The following SLX4 variants were observed in gnomAD, a reference collection of about 807,000 sequenced individuals.
The protein encoded by SLX4 is structure-specific endonuclease subunit SLX4.
In SLX4, 112 loss-of-function variants were observed where a neutral mutation model predicts 146.2. The observed-to-expected ratio is 0.77, with a 90% CI of 0.66 to 0.90. SLX4 has a LOEUF of 0.90. Ranked by LOEUF, SLX4 falls within the 40% of genes least tolerant of loss-of-function variation. The probability of loss-of-function intolerance (pLI) is 0.00; values close to 1 mark genes in which losing one functional copy is unlikely to be tolerated. For missense variants in SLX4, 2,563 were observed against 2,392.7 expected, an observed-to-expected ratio of 1.07 and a Z score of -1.49; for synonymous variants, 1,061 against 997.7, an observed-to-expected ratio of 1.06 and a Z score of -1.20.
chr16:3,594,123 T>C (rs765729528), intron 10 of SLX4, among the ~76,000 whole-genome samples: 5 of 152,150 alleles, frequency 3.3e-5, no homozygotes, highest in Non-Finnish European at 5.9e-5. Context: ...CGCCTCGGCC[T>C]CCCAAAGTGC....
In SLX4 at chr16:3,589,327, G is replaced by A. The variant is rs1303982470; in HGVS notation, c.4311C>T (p.Pro1437=). The A allele has an allele frequency of 6.3e-7, 1 of 1,577,620 alleles. No homozygotes were observed. Among genetic ancestry groups the A allele is most frequent in the South Asian group, 1.2e-5 (1 of 85,568 alleles). ...CWHMEPLSPI[P]IDHWNLERTG... The stretch of plus-strand genomic sequence containing the variant: ...TCCGCTCCAGGTTCCAGTGGTCAAT[G>A]GGAATTGGCGAGAGGGGCTCCATGT... The change falls in exon 12 of 15, where the codon CCC becomes CCT. Residue 1437 remains proline (P), a synonymous_variant. Coordinates refer to ENST00000294008, the MANE Select transcript of SLX4 (RefSeq NM_032444.4). This position sits in a 1 kb window ranked among gnomAD's most constrained non-coding sequence, Gnocchi z 6.2.
chr16:3,605,686 G>A (rs930319805), intron 3 of SLX4, among the ~76,000 whole-genome samples: 8 of 152,010 alleles, frequency 5.3e-5, no homozygotes, highest in African/African-American at 1.2e-4. Flanking sequence ...AGTGGCTCAC[G>A]CCTGTAATCC....
In SLX4 at chr16:3,596,886, G is replaced by C. The variant is rs529254653; in HGVS notation, c.1683+493C>G. On this transcript the variant is annotated intron_variant, in intron 7 of 14. Transcript: ENST00000294008. ...TGCCCAGGCTGGAGTGTAATGGCAC[G>C]GTCTCGGCTCACTGCAACTTCCGCC... Among the ~76,000 whole-genome samples the C allele has an allele frequency of 6.0e-5, 9 of 150,786 alleles. No homozygotes were observed. The East Asian group carries it at 1.6e-3, about 26-fold the overall frequency.
At position 3,597,622 on chromosome 16, in the gene SLX4, G is replaced by T. The variant is rs1479303622; in HGVS notation, c.1440C>A (p.Gly480=). Residue 480 remains glycine (G), a synonymous_variant, in exon 7 of 15, where the codon GGC becomes GGA. Coordinates refer to ENST00000294008, the MANE Select transcript of SLX4 (RefSeq NM_032444.4). The surrounding 1 kb of genome is among the most constrained non-coding windows in gnomAD (Gnocchi z 4.4). ...LLLVQDSETT[G]RQIEDRVALL... ...GGGCCACACGGTCCTCTATCTGTCGGCCTGTGGTTTCAGAGTCCTGGACTA... is the reference window on the plus strand; with the variant it reads ...GGGCCACACGGTCCTCTATCTGTCGTCCTGTGGTTTCAGAGTCCTGGACTA... 1 of 1,614,080 alleles carries T rather than the reference G, an allele frequency of 6.2e-7. No homozygotes were observed. Among genetic ancestry groups the T allele is most frequent in the East Asian group, 2.2e-5 (1 of 44,872 alleles).
chr16:3,592,726 C>A lies in SLX4; in HGVS notation c.2300G>T (p.Ser767Ile). 1 of 1,613,380 alleles carries A rather than the reference C, an allele frequency of 6.2e-7. No homozygotes were observed. The highest frequency in any genetic ancestry group is 8.5e-7 in the Non-Finnish European group (1 of 1,179,992). ...TADTGLPPGL[S>I]SELSSLAHRF... ...GTGGGCCAGGGAGCTCAGCTCAGAGCTAAGGCCAGGAGGAAGGCCAGTGTC... is the reference window on the plus strand; with the variant it reads ...GTGGGCCAGGGAGCTCAGCTCAGAGATAAGGCCAGGAGGAAGGCCAGTGTC... Residue 767 changes from serine (S) to isoleucine (I), a missense_variant, in exon 11 of 15, where the codon AGC becomes ATC. By Grantham distance (142) the Ser-to-Ile change is moderately radical. Coordinates refer to ENST00000294008, the MANE Select transcript of SLX4 (RefSeq NM_032444.4).
chr16:3,585,765 G>C (rs900497040), intron 12 of SLX4, among the ~76,000 whole-genome samples: 16 of 141,588 alleles, frequency 1.1e-4, no homozygotes, highest in Non-Finnish European at 2.1e-4. Flanking sequence ...AAAAAACACA[G>C]AGGGTTTGGG....
rs2040573669 is a variant in SLX4, at chr16:3,590,535, A to G, written c.3103T>C (p.Phe1035Leu). 2 of 1,612,898 alleles carry G rather than the reference A, an allele frequency of 1.2e-6. No homozygotes were observed. Among genetic ancestry groups the G allele is most frequent in the Admixed American group, 1.7e-5 (1 of 60,006 alleles). Residue 1035 changes from phenylalanine to leucine, a missense_variant, in exon 12 of 15, where the codon TTC becomes CTC. By Grantham distance (22) the Phe-to-Leu change is conservative. Coordinates refer to ENST00000294008, the MANE Select transcript of SLX4 (RefSeq NM_032444.4). The surrounding 1 kb of genome is among the most constrained non-coding windows in gnomAD (Gnocchi z 4.8). ...CCGCCCTGGGGAGGCCCCAATAGGA[A>G]GCGGCACGGGTGCGGTGGAGATGCC... ...WQASPPHPCR[F>L]LLGPPQGGSP...
At position 3,594,614 on chromosome 16, in the gene SLX4, G is replaced by T. The variant is rs367967946; in HGVS notation, c.2014-15C>A. The T allele has an allele frequency of 6.2e-7, 1 of 1,613,852 alleles. No individual in the cohort carries two copies. The highest frequency in any genetic ancestry group is 2.2e-5 in the East Asian group (1 of 44,884). On this transcript the variant is annotated splice_polypyrimidine_tract_variant and intron_variant, in intron 9 of 14. Coordinates refer to ENST00000294008, the MANE Select transcript of SLX4 (RefSeq NM_032444.4). Reference sequence around the variant, plus strand: ...CCGAGGGAGAGCTGAAGCAGGAGGAGAGGAAGAGCCGTCACCTCCCCACCT... The same window carrying T: ...CCGAGGGAGAGCTGAAGCAGGAGGATAGGAAGAGCCGTCACCTCCCCACCT...
chr16:3,582,296 G>A lies in SLX4; in HGVS notation c.*46C>T, dbSNP rs781317951. On this transcript the variant is annotated 3_prime_UTR_variant, in exon 15 of 15. Coordinates refer to ENST00000294008, the MANE Select transcript of SLX4 (RefSeq NM_032444.4). ...CAGGTCCTCCCTGCAAATGGCGGGG[G>A]TGGGGGCTGCTGATGGCAGGTTGGG... The A allele has an allele frequency of 3.2e-6, 5 of 1,549,366 alleles. No homozygotes were observed. Among genetic ancestry groups the A allele is most frequent in the Non-Finnish European group, 4.4e-6 (5 of 1,139,570 alleles).
chr16:3,588,945 C>T, intron 12 of SLX4, 57 bp downstream of exon 12: 1 of 1,608,508 alleles, frequency 6.2e-7, no homozygotes, highest in Non-Finnish European at 8.5e-7. Context: ...TTCCCACCCT[C>T]TTAGTGTAAA....
chr16:3,603,784 C>T lies in SLX4; in HGVS notation c.761-1477G>A, dbSNP rs566005382. ...GTACACAGCAGCTATGGGGCACTGT[C>T]GCCACCCTGTCTCACCTGCAGCCAA... On this transcript the variant is annotated intron_variant, in intron 3 of 14. Coordinates refer to ENST00000294008, the MANE Select transcript of SLX4 (RefSeq NM_032444.4). Among the ~76,000 whole-genome samples, 7 of 152,336 alleles carry T rather than the reference C, an allele frequency of 4.6e-5. No homozygotes were observed. In the South Asian group the frequency reaches 6.2e-4, roughly 14 times the overall value.
Position 3,602,216 on chromosome 16 carries a change from A to T in SLX4, c.852T>A (p.His284Gln), listed in dbSNP as rs770412592. Residue 284 changes from histidine (H) to glutamine (Q), a missense_variant, in exon 4 of 15, where the codon CAT (histidine) becomes CAA (glutamine). Coordinates refer to ENST00000294008, the MANE Select transcript of SLX4 (RefSeq NM_032444.4). ...AACCCTTTTCCTCCAGGCTATCATCATGTGCCGATGCTCCTACCCGTGCAA... is the reference window on the plus strand; with the variant it reads ...AACCCTTTTCCTCCAGGCTATCATCTTGTGCCGATGCTCCTACCCGTGCAA... ...QEFARVGASA[H>Q]DDSLEEKGLF... 1 of 1,614,030 alleles carries T rather than the reference A, an allele frequency of 6.2e-7. No homozygotes were observed. The highest frequency in any genetic ancestry group is 8.5e-7 in the Non-Finnish European group (1 of 1,180,028).
chr16:3,609,213 C>G lies in SLX4; in HGVS notation c.-249G>C. On this transcript the variant is annotated 5_prime_UTR_variant, in exon 2 of 15. Transcript: ENST00000294008. ...CCTGAGGTCAGAAGTTCGAGACCAG[C>G]CTGGCCAATATGGTGAAACCTCGTT... 1 of 445,936 alleles carries G rather than the reference C, an allele frequency of 2.2e-6. No homozygotes were observed. Among genetic ancestry groups the G allele is most frequent in the Non-Finnish European group, 4.2e-6 (1 of 240,896 alleles). 27.6% of individuals were successfully genotyped at this position (445,936 alleles called of 1,614,324 possible).
chr16:3,600,784 C>A, intron 5 of SLX4, 195 bp downstream of exon 5: 1 of 575,294 alleles, frequency 1.7e-6, no homozygotes, highest in Non-Finnish European at 3.1e-6. Context: ...TTAGTAGAGA[C>A]GAGATTGTAC....
chr16:3,587,235 G>A (rs1408869495), intron 12 of SLX4, among the ~76,000 whole-genome samples: 3 of 152,150 alleles, frequency 2.0e-5, no homozygotes, highest in Admixed American at 6.6e-5. Context: ...GGTGGCTCAC[G>A]CCTGTAATCC....
rs780616849 is a variant in SLX4, at chr16:3,590,158, C to A, written c.3480G>T (p.Glu1160Asp). 13 of 1,614,114 alleles carry A rather than the reference C, an allele frequency of 8.1e-6. No individual in the cohort carries two copies. Among genetic ancestry groups the A allele is most frequent in the Non-Finnish European group, 1.1e-5 (13 of 1,180,060 alleles). ...TCATTTTGGTTTGTTCTAGCTCCAGCTCCTCATCCGAGTCCAGTAAGAGGA... is the reference window on the plus strand; with the variant it reads ...TCATTTTGGTTTGTTCTAGCTCCAGATCCTCATCCGAGTCCAGTAAGAGGA... ...EVILLLDSDE[E>D]LELEQTKMKS... The change falls in exon 12 of 15, where the codon GAG becomes GAT. Residue 1160 changes from glutamate (E) to aspartate (D), a missense_variant. Coordinates refer to ENST00000294008, the MANE Select transcript of SLX4 (RefSeq NM_032444.4). This position sits in a 1 kb window ranked among gnomAD's most constrained non-coding sequence, Gnocchi z 4.8.
rs113420526 is a variant in SLX4 at position 3,591,018 on chromosome 16, C to T, written c.2620G>A (p.Gly874Ser). The T allele has an allele frequency of 7.7e-5, 125 of 1,614,158 alleles. No individual in the cohort carries two copies. Among genetic ancestry groups the T allele is most frequent in the African/African-American group, 9.3e-5 (7 of 75,060 alleles). The change falls in exon 12 of 15, where the codon GGC becomes AGC. Residue 874 changes from glycine to serine, a missense_variant. Coordinates refer to ENST00000294008, the MANE Select transcript of SLX4 (RefSeq NM_032444.4). ...CCCTCCAGCCAGTCAGCGTCCTCGC[C>T]GGCACCCGCTGCCCTTTCTTCCTGG... is the stretch of plus-strand genomic sequence containing the variant. The part of the protein sequence containing the change: ...LLQEERAAGA[G>S]EDADWLEGGS...
chr16:3,582,437 G>A lies in SLX4; in HGVS notation c.5410C>T (p.His1804Tyr), dbSNP rs772332386. 2.5e-6 allele frequency: 4 copies of A among 1,613,932 alleles called. No homozygotes were observed. The Admixed American group carries it at 6.7e-5, about 27-fold the overall frequency. The change falls in exon 15 of 15, where the codon CAC becomes TAC. Residue 1804 changes from histidine to tyrosine, a missense_variant. Transcript: ENST00000294008. Reference sequence around the variant, plus strand: ...GCGGCAGTGGTGAAGGTGATACAGTGGGTGTCCAGGAAGTCCAACAGCCTG... The same window carrying A: ...GCGGCAGTGGTGAAGGTGATACAGTAGGTGTCCAGGAAGTCCAACAGCCTG... ...SRRLLDFLDT[H>Y]CITFTTAATR...
chr16:3,596,454 G>C (rs980413739), intron 7 of SLX4, 61 bp from the exon 8 acceptor site: 16 of 1,522,242 alleles, frequency 1.1e-5, no homozygotes, highest in Non-Finnish European at 1.3e-5. Context: ...ACACACTGCA[G>C]AAGCCATCAC....
Sources: gnomAD v4.1 joint callset for allele counts (sites outside exome capture counted in the v4.1 genomes callset) on GRCh38, gnomAD v4.1.1 for gene constraint, Gnocchi (gnomAD v3.1) non-coding constraint, MANE v1.5 for transcripts, NCBI Gene and HGNC (gene_info 2026-07-23, HGNC 2026-07-21) for gene names.